The following OSBPL8 variants were observed in gnomAD, a reference collection of about 807,000 sequenced individuals.
The protein encoded by OSBPL8 is oxysterol-binding protein-related protein 8.
Under a neutral mutation model 125.5 loss-of-function variants are expected in OSBPL8, and 59 were observed. The ratio of observed to expected loss-of-function variants is 0.47; its 90% CI spans 0.38 to 0.58. OSBPL8 has a LOEUF of 0.58. Ranked by LOEUF, OSBPL8 falls within the 20% of genes least tolerant of loss-of-function variation. The pLI, the probability that OSBPL8 is intolerant of heterozygous loss-of-function variation, is 0.00. For synonymous variants in OSBPL8, 330 were observed against 338.9 expected (o/e 0.97, Z 0.29); for missense variants, 758 against 1,047.8 (o/e 0.72, Z 3.82).
chr12:76,474,201 A>T (rs1166882585), intron 2 of OSBPL8, among the ~76,000 whole-genome samples: 6 of 152,124 alleles, frequency 3.9e-5, no homozygotes, highest in South Asian at 2.1e-4. Context: ...AAACATAAAA[A>T]TTTTTTAAGT....
At chr12:76,496,884 TG>T (rs1289048116) in intron 1 of OSBPL8, among the ~76,000 whole-genome samples, 2 of 152,064 alleles carry the variant, frequency 1.3e-5, no homozygotes, top group Non-Finnish European at 2.9e-5. Flanking sequence ...GGTGTCACTC[TG>T]TTGCTCAGGC....
chr12:76,527,857 T>A (rs1950221026), intron 1 of OSBPL8, among the ~76,000 whole-genome samples: 1 of 152,168 alleles, frequency 6.6e-6, no homozygotes, highest in African/African-American at 2.4e-5. Context: ...GCTCACTAGA[T>A]AAACATTCTT....
chr12:76,438,303 CTTTT>C (rs1011776823), intron 4 of OSBPL8, among the ~76,000 whole-genome samples: 5 of 130,618 alleles, frequency 3.8e-5, no homozygotes, highest in Non-Finnish European at 6.6e-5. Context: ...TTCTTAATAA[CTTTT>C]TTTTTTTTTT....
intron 5 of OSBPL8, among the ~76,000 whole-genome samples, chr12:76,409,805 T>C (rs1222383619): frequency 6.6e-6 from 1 of 152,176 alleles, no homozygotes; most frequent in Non-Finnish European, 1.5e-5. Context: ...GCAAAAAATG[T>C]GGGTTGTAAG....
Position 76,534,707 on chromosome 12 carries a change from G to GT in OSBPL8, c.-68+24689dup, listed in dbSNP as rs571095818. Among the ~76,000 whole-genome samples the GT allele has an allele frequency of 3.3e-4, 50 of 152,134 alleles. 2 individuals carry two copies. The highest frequency in any genetic ancestry group is 2.8e-3 in the Admixed American group (43 of 15,276). ...AGGTCAAGAGAGTAAACTATGCAAAGTTTTTTTACTATTTTCGAGATGATG... is the reference window on the plus strand; with the variant it reads ...AGGTCAAGAGAGTAAACTATGCAAAGTTTTTTTTACTATTTTCGAGATGATG... On this transcript the variant is annotated intron_variant, in intron 1 of 23. Transcript: ENST00000261183.
At chr12:76,379,753 T>C (rs1250127062) in intron 15 of OSBPL8, among the ~76,000 whole-genome samples, 1 of 152,268 alleles carries the variant, frequency 6.6e-6, no homozygotes, top group African/African-American at 2.4e-5. Flanking sequence ...TCCTTACTAG[T>C]TGATGGTCCT....
chr12:76,367,005 ATG>A (rs1182557727), intron 21 of OSBPL8, among the ~76,000 whole-genome samples: 1 of 152,176 alleles, frequency 6.6e-6, no homozygotes, highest in African/African-American at 2.4e-5. Context: ...CTTGAGAAGA[ATG>A]TGTATTCTTC....
chr12:76,463,115 A>C (rs1463178280), intron 2 of OSBPL8, among the ~76,000 whole-genome samples: 1 of 152,180 alleles, frequency 6.6e-6, no homozygotes, highest in Non-Finnish European at 1.5e-5. Flanking sequence ...CAGACTAGAG[A>C]GACAAGGGTA....
chr12:76,525,116 T>C (rs745797423), intron 1 of OSBPL8, among the ~76,000 whole-genome samples: 11 of 152,158 alleles, frequency 7.2e-5, no homozygotes, highest in Non-Finnish European at 1.3e-4. Context: ...GCTTAAAAGA[T>C]ACTTGAGAGG....
chr12:76,530,212 G>A (rs1038443267), intron 1 of OSBPL8, among the ~76,000 whole-genome samples: 38 of 144,766 alleles, frequency 2.6e-4, no homozygotes, highest in Non-Finnish European at 5.1e-4. Flanking sequence ...ACGTGCCACC[G>A]GGCCTGGCTT....
intron 2 of OSBPL8, among the ~76,000 whole-genome samples, chr12:76,472,388 G>A (rs1290882925): frequency 6.6e-6 from 1 of 152,138 alleles, no homozygotes; most frequent in African/African-American, 2.4e-5. Flanking sequence ...AGCCCCACAG[G>A]GTCGGTGGGT....
chr12:76,478,876 G>A (rs911857417), intron 2 of OSBPL8, among the ~76,000 whole-genome samples: 4 of 152,116 alleles, frequency 2.6e-5, no homozygotes, highest in Admixed American at 2.0e-4. Flanking sequence ...ATGACGTCAG[G>A]AGATCGAGAC....
At chr12:76,465,432 C>A (rs1033412091) in intron 2 of OSBPL8, among the ~76,000 whole-genome samples, 1 of 151,794 alleles carries the variant, frequency 6.6e-6, no homozygotes, top group African/African-American at 2.4e-5. Context: ...TGGTGGCGGG[C>A]GCCTATAGTC....
intron 4 of OSBPL8, among the ~76,000 whole-genome samples, chr12:76,447,204 A>G (rs949949158): frequency 6.6e-6 from 1 of 152,212 alleles, no homozygotes; most frequent in Non-Finnish European, 1.5e-5. Flanking sequence ...GGTGCCAAAT[A>G]TATCATCTTT....
intron 2 of OSBPL8, among the ~76,000 whole-genome samples, chr12:76,460,447 G>A (rs959355243): frequency 6.7e-6 from 1 of 148,628 alleles, no homozygotes. Flanking sequence ...TGTGTGAAGA[G>A]CATCTACAGA....
At chr12:76,408,143 TAAAAA>T (rs376221340) in intron 5 of OSBPL8, among the ~76,000 whole-genome samples, 2 of 92,028 alleles carry the variant, frequency 2.2e-5, no homozygotes, top group Non-Finnish European at 4.3e-5. Flanking sequence ...CCTCATCTCT[TAAAAA>T]AAAAAAAAAA....
chr12:76,358,268 C>T (rs1020561857), intron 22 of OSBPL8, among the ~76,000 whole-genome samples: 5 of 140,832 alleles, frequency 3.6e-5, no homozygotes, highest in African/African-American at 1.3e-4. Flanking sequence ...CATCTTCCAT[C>T]TCCGGGGTTC....
intron 2 of OSBPL8, among the ~76,000 whole-genome samples, 193 bp downstream of exon 2, chr12:76,487,310 TGTGAGCC>T (rs1878258160): frequency 6.6e-6 from 1 of 152,146 alleles, no homozygotes; most frequent in East Asian, 1.9e-4. Flanking sequence ...GGATTACAGG[TGTGAGCC>T]ACCATGCCTA....
intron 1 of OSBPL8, among the ~76,000 whole-genome samples, chr12:76,515,775 G>A (rs1041434182): frequency 4.6e-5 from 7 of 152,064 alleles, no homozygotes; most frequent in African/African-American, 1.4e-4. Context: ...CATGGGTAGA[G>A]TTGTTTCCTT....
Sources: allele counts gnomAD v4.1 joint callset (sites outside exome capture counted in the v4.1 genomes callset), GRCh38; gene constraint gnomAD v4.1.1; transcripts MANE v1.5; gene names NCBI Gene and HGNC (gene_info 2026-07-23, HGNC 2026-07-21).